Variants in ADGRB3 observed in about 807,000 individuals in gnomAD.
ADGRB3 encodes the protein adhesion G protein-coupled receptor B3.
Under a neutral mutation model 193.4 loss-of-function variants are expected in ADGRB3, and 37 were observed. The ratio of observed to expected loss-of-function variants is 0.19; its 90% CI spans 0.15 to 0.25. ADGRB3 has a LOEUF of 0.25. Among genes scored for constraint, ADGRB3 ranks in the 10% least tolerant of loss-of-function variants. ADGRB3 has a pLI of 1.00. For synonymous variants in ADGRB3, 690 were observed against 644.2 expected, an observed-to-expected ratio of 1.07 and a Z score of -1.08; for missense variants, 1,637 against 1,852.9, an observed-to-expected ratio of 0.88 and a Z score of 2.14.
intron 17 of ADGRB3, among the ~76,000 whole-genome samples, chr6:69,086,645 A>G (rs1772558742): frequency 6.6e-6 from 1 of 152,130 alleles, no homozygotes; most frequent in African/African-American, 2.4e-5. Flanking sequence ...GAGAACAGGA[A>G]GAGGGAAATA....
At chr6:68,681,528 C>T (rs938543383) in intron 3 of ADGRB3, among the ~76,000 whole-genome samples, 4 of 152,108 alleles carry the variant, frequency 2.6e-5, no homozygotes, top group Non-Finnish European at 5.9e-5. Flanking sequence ...AGTCCTTTCA[C>T]CATGGCCTCC....
At chr6:68,758,140 G>A (rs1311398244) in intron 3 of ADGRB3, among the ~76,000 whole-genome samples, 4 of 152,034 alleles carry the variant, frequency 2.6e-5, no homozygotes, top group African/African-American at 9.6e-5. Flanking sequence ...TTCATCTGTG[G>A]GAGACAAATT....
intron 17 of ADGRB3, among the ~76,000 whole-genome samples, chr6:69,116,040 G>T (rs1397799704): frequency 1.3e-5 from 2 of 152,162 alleles, no homozygotes; most frequent in Non-Finnish European, 2.9e-5. Flanking sequence ...AGTTGAAGTT[G>T]CAGTCTTGAG....
chr6:68,875,137 C>A (rs1352106988), intron 3 of ADGRB3, among the ~76,000 whole-genome samples: 3 of 99,960 alleles, frequency 3.0e-5, no homozygotes, highest in Non-Finnish European at 6.4e-5. Context: ...TTTCTTTCTT[C>A]TTTCATTTCT....
chr6:69,157,717 A>C (rs910931018), intron 17 of ADGRB3, among the ~76,000 whole-genome samples: 2 of 151,092 alleles, frequency 1.3e-5, no homozygotes, highest in African/African-American at 2.4e-5. Flanking sequence ...AAAAAAAAGG[A>C]ATACTCCTGA....
At chr6:68,919,304 T>A (rs1415449985) in intron 3 of ADGRB3, among the ~76,000 whole-genome samples, 2 of 151,970 alleles carry the variant, frequency 1.3e-5, no homozygotes, top group African/African-American at 4.9e-5. Flanking sequence ...ATCAAATATT[T>A]ATTTTGGGCA....
chr6:69,287,150 A>T (rs1473033328), intron 20 of ADGRB3, among the ~76,000 whole-genome samples: 1 of 152,220 alleles, frequency 6.6e-6, no homozygotes, highest in Non-Finnish European at 1.5e-5. Context: ...GAGTCTGTGC[A>T]TGCATGTGGT....
At chr6:68,645,366 T>A (rs565403750) in intron 3 of ADGRB3, among the ~76,000 whole-genome samples, 10 of 152,308 alleles carry the variant, frequency 6.6e-5, no homozygotes, top group African/African-American at 2.4e-4. Context: ...ATAAAATTAA[T>A]GACTTGGAAT....
At chr6:69,313,032 A>G (rs939668850) in intron 20 of ADGRB3, among the ~76,000 whole-genome samples, 7 of 151,844 alleles carry the variant, frequency 4.6e-5, no homozygotes, top group Non-Finnish European at 1.0e-4. Context: ...TACAAATGAA[A>G]GATTGAGGGT....
chr6:68,929,650 C>T (rs1767283205), intron 3 of ADGRB3, among the ~76,000 whole-genome samples: 1 of 152,090 alleles, frequency 6.6e-6, no homozygotes, highest in African/African-American at 2.4e-5. Context: ...TGAGACAGAA[C>T]CAACAACTAT....
chr6:69,042,330 G>A (rs1771096892), intron 13 of ADGRB3, among the ~76,000 whole-genome samples: 1 of 152,262 alleles, frequency 6.6e-6, no homozygotes, highest in South Asian at 2.1e-4. Context: ...GCCAAATGCT[G>A]TGCTAGGAAC....
chr6:69,052,650 T>C (rs1343642968), intron 15 of ADGRB3, among the ~76,000 whole-genome samples: 1 of 152,214 alleles, frequency 6.6e-6, no homozygotes, highest in African/African-American at 2.4e-5. Context: ...CAAAAATAAT[T>C]TTGCATGTTG....
intron 17 of ADGRB3, among the ~76,000 whole-genome samples, chr6:69,203,784 T>G (rs1765482748): frequency 6.6e-6 from 1 of 152,140 alleles, no homozygotes. Context: ...GACCAGGAAA[T>G]TCTTTTGAAT....
At chr6:69,103,432 T>A (rs942457836) in intron 17 of ADGRB3, among the ~76,000 whole-genome samples, 12 of 152,194 alleles carry the variant, frequency 7.9e-5, no homozygotes, top group Non-Finnish European at 1.8e-4. Context: ...TTTAATTATG[T>A]ATGTCATAAC....
At chr6:68,660,889 A>G (rs1219831530) in intron 3 of ADGRB3, among the ~76,000 whole-genome samples, 1 of 151,114 alleles carries the variant, frequency 6.6e-6, no homozygotes, top group African/African-American at 2.4e-5. Context: ...ATTTATATGA[A>G]ATAAGCTGGA....
chr6:68,770,198 C>T (rs1163669007), intron 3 of ADGRB3, among the ~76,000 whole-genome samples: 1 of 152,058 alleles, frequency 6.6e-6, no homozygotes, highest in Non-Finnish European at 1.5e-5. Context: ...GAGATAGGCA[C>T]TCTGGAAGGA....
At chr6:69,266,743 A>G (rs1767049553) in intron 20 of ADGRB3, among the ~76,000 whole-genome samples, 1 of 152,124 alleles carries the variant, frequency 6.6e-6, no homozygotes, top group African/African-American at 2.4e-5. Flanking sequence ...ACTATGTAAA[A>G]GAAAATGATG....
In ADGRB3 at chr6:69,360,171, G is replaced by GT. The variant is rs975401315; in HGVS notation, c.3596-691dup. ...CAAAGATTTTGGAGGTTCATAAAGT[G>GT]TTTTTTTCTTAAACTCAGCTGGCAA... is the stretch of plus-strand genomic sequence containing the variant. On this transcript the variant is annotated intron_variant, in intron 28 of 31. Coordinates refer to ENST00000370598, the MANE Select transcript of ADGRB3 (RefSeq NM_001704.3). Among the ~76,000 whole-genome samples, 111 of 151,660 alleles carry GT rather than the reference G, an allele frequency of 7.3e-4. 1 individual carries two copies. The highest frequency in any genetic ancestry group is 1.0e-3 in the Non-Finnish European group (68 of 67,834).
chr6:69,102,274 C>A (rs1773081393), intron 17 of ADGRB3, among the ~76,000 whole-genome samples: 1 of 151,520 alleles, frequency 6.6e-6, no homozygotes, highest in Non-Finnish European at 1.5e-5. Flanking sequence ...CATTTTAATT[C>A]GCTGTAGTGA....
Sources: gnomAD v4.1 joint callset for allele counts (sites outside exome capture counted in the v4.1 genomes callset) on GRCh38, gnomAD v4.1.1 for gene constraint, MANE v1.5 for transcripts, NCBI Gene and HGNC (gene_info 2026-07-23, HGNC 2026-07-21) for gene names.